The following CD99L2 variants were observed in gnomAD, a reference collection of about 807,000 sequenced individuals.
The protein encoded by CD99L2 is CD99 antigen-like protein 2.
Under a neutral mutation model 27.3 loss-of-function variants are expected in CD99L2, and 24 were observed. That is an observed-to-expected ratio of 0.88 (90% CI 0.64 to 1.24). CD99L2 has a LOEUF of 1.24. CD99L2 is among the 50% of genes most tolerant of loss of function. The probability of loss-of-function intolerance (pLI) is 0.00; values close to 1 mark genes in which losing one functional copy is unlikely to be tolerated. For missense variants in CD99L2, 255 were observed against 221.6 expected (o/e 1.15, Z -0.96); for synonymous variants, 97 against 87.9 (o/e 1.10, Z -0.58).
chrX:150,830,958 A>ACC (rs1557421046), intron 2 of CD99L2, among the ~76,000 whole-genome samples: 16 of 109,729 alleles, frequency 1.5e-4, no homozygotes, highest in African/African-American at 5.0e-4. Flanking sequence ...ATAGGCATGC[A>ACC]ATACCACACC....
At position 150,770,427 on chromosome X, in the gene CD99L2, G is replaced by A. The variant is rs782644303; in HGVS notation, c.656-58C>T. Reference sequence around the variant, plus strand: ...GCACAGGACCTAAGGGTCCCCAATCGTGACTGAGAACTCCTGACCAAGTCC... The same window carrying A: ...GCACAGGACCTAAGGGTCCCCAATCATGACTGAGAACTCCTGACCAAGTCC... On this transcript the variant is annotated intron_variant, in intron 9 of 10. Transcript: ENST00000370377. 8.9e-5 allele frequency: 96 copies of A among 1,078,667 alleles called. 1 individual carries two copies. The highest frequency in any genetic ancestry group is 1.1e-4 in the Admixed American group (5 of 44,526). The allele number at this position is 1,078,667 out of a possible 1,213,427, so 88.9% of individuals were successfully genotyped here.
At position 150,767,391 on chromosome X, in the gene CD99L2, C is replaced by T. The variant is rs2043329361; in HGVS notation, c.*1643G>A. 8.9e-6 allele frequency: 1 copy of T among 112,031 alleles called. No homozygotes were observed. Among genetic ancestry groups the T allele is most frequent in the Non-Finnish European group, 1.9e-5 (1 of 53,212 alleles). 9.2% of individuals were successfully genotyped at this position (112,031 alleles called of 1,213,427 possible). ...CATTTCTGCAGTGCTGCAGGTCCCC[C>T]TTCAGCCACACAGTCCAGGTCTGTC... On this transcript the variant is annotated 3_prime_UTR_variant, in exon 11 of 11. Coordinates refer to ENST00000370377, the MANE Select transcript of CD99L2 (RefSeq NM_031462.4).
At chrX:150,793,813 A>G in intron 6 of CD99L2, 57 bp from the exon 7 acceptor site, 1 of 993,154 alleles carries the variant, frequency 1.0e-6, no homozygotes. Context: ...GCAACAAGAA[A>G]CTTGTGCTAA....
In CD99L2 at chrX:150,831,309, A is replaced by G. The variant is rs1283641386; in HGVS notation, c.68-16T>C. On this transcript the variant is annotated splice_polypyrimidine_tract_variant and intron_variant, in intron 1 of 10. Transcript: ENST00000370377. The stretch of plus-strand genomic sequence containing the variant: ...TCCCCAGATCCTAAAAATTAAAAAA[A>G]AAAATTAAACTATCTTTGCATAAAA... 1 of 1,164,190 alleles carries G rather than the reference A, an allele frequency of 8.6e-7. No individual in the cohort carries two copies. The highest frequency in any genetic ancestry group is 1.2e-6 in the Non-Finnish European group (1 of 859,817).
intron 1 of CD99L2, among the ~76,000 whole-genome samples, chrX:150,862,629 C>T (rs1200031712): frequency 2.7e-5 from 3 of 111,772 alleles, no homozygotes; most frequent in Non-Finnish European, 5.6e-5. Context: ...GTTATAGCAG[C>T]CCTAGGAGAC....
chrX:150,775,526 G>T (rs1379203608), intron 9 of CD99L2, among the ~76,000 whole-genome samples: 3 of 112,594 alleles, frequency 2.7e-5, no homozygotes, highest in Non-Finnish European at 5.6e-5. Flanking sequence ...TACAGCATGA[G>T]ATGAAAACTG....
At chrX:150,851,662 C>T (rs1269331842) in intron 1 of CD99L2, among the ~76,000 whole-genome samples, 1 of 112,158 alleles carries the variant, frequency 8.9e-6, no homozygotes, top group Non-Finnish European at 1.9e-5. Flanking sequence ...AACCGGGGCA[C>T]CAGCAGGCTG....
In CD99L2 at chrX:150,810,828, T is replaced by C. The variant is rs1055552041; in HGVS notation, c.277+4034A>G. 2.7e-5 allele frequency among the ~76,000 whole-genome samples: 3 copies of C among 111,679 alleles called. No individual in the cohort carries two copies. The Admixed American group carries it at 2.9e-4, about 11-fold the overall frequency. On this transcript the variant is annotated intron_variant, in intron 4 of 10. Transcript: ENST00000370377. ...TTTAAGGGAATATCATTGACAAAAG[T>C]ATGCCAATAAATTGGGCAGCCTAGA...
chrX:150,879,353 T>C (rs1024044479), intron 1 of CD99L2, among the ~76,000 whole-genome samples: 1 of 111,202 alleles, frequency 9.0e-6, no homozygotes, highest in Non-Finnish European at 1.9e-5. Flanking sequence ...GTGGAAAGAA[T>C]TAAGAAAAGG....
At chrX:150,856,418 A>G (rs1054987541) in intron 1 of CD99L2, among the ~76,000 whole-genome samples, 19 of 111,958 alleles carry the variant, frequency 1.7e-4, no homozygotes, top group Middle Eastern at 4.6e-3. Flanking sequence ...TGCTTGTTAC[A>G]TGAAGTCACC....
chrX:150,808,195 T>C (rs1557420291), intron 4 of CD99L2, among the ~76,000 whole-genome samples: 1 of 112,776 alleles, frequency 8.9e-6, no homozygotes, highest in East Asian at 2.8e-4. Context: ...TGTACACTGA[T>C]ATCGAAAACA....
At chrX:150,850,947 C>A (rs1350343734) in intron 1 of CD99L2, among the ~76,000 whole-genome samples, 1 of 111,659 alleles carries the variant, frequency 9.0e-6, no homozygotes, top group Non-Finnish European at 1.9e-5. Context: ...AAGTGATTCT[C>A]CTGCCTCAGC....
intron 4 of CD99L2, among the ~76,000 whole-genome samples, chrX:150,799,346 AAAC>A (rs1420938491): frequency 3.7e-5 from 4 of 107,937 alleles, no homozygotes; most frequent in South Asian, 4.1e-4. Context: ...AAAAAAAAAA[AAAC>A]AACAACAAAA....
At chrX:150,894,082 A>G (rs1204546774) in intron 1 of CD99L2, among the ~76,000 whole-genome samples, 2 of 111,276 alleles carry the variant, frequency 1.8e-5, no homozygotes, top group African/African-American at 6.5e-5. Flanking sequence ...TGCAATCATA[A>G]ACTCTATCTA....
At chrX:150,818,053 T>TAATAATTTTAAATAAAAAAAAAAAAAAAA (rs782545494) in intron 2 of CD99L2, among the ~76,000 whole-genome samples, 3 of 106,725 alleles carry the variant, frequency 2.8e-5, no homozygotes, top group Middle Eastern at 4.9e-3. Context: ...GAGGAAGACA[T>TAATAATTTTAAATAAAAAAAAAAAAAAAA]AATAATTTTA....
chrX:150,830,970 G>A (rs915412381), intron 2 of CD99L2, among the ~76,000 whole-genome samples: 2 of 109,458 alleles, frequency 1.8e-5, no homozygotes, highest in African/African-American at 6.7e-5. Context: ...TACCACACCC[G>A]GCTAATTTTT....
At chrX:150,839,823 C>A (rs1362639750) in intron 1 of CD99L2, among the ~76,000 whole-genome samples, 1 of 109,784 alleles carries the variant, frequency 9.1e-6, no homozygotes, top group Non-Finnish European at 1.9e-5. Context: ...CTCCTTGAGC[C>A]CAGGAGTTCA....
At chrX:150,804,616 A>C (rs781849964) in intron 4 of CD99L2, among the ~76,000 whole-genome samples, 6 of 111,571 alleles carry the variant, frequency 5.4e-5, no homozygotes, top group Admixed American at 2.9e-4. Flanking sequence ...AGATGAAATA[A>C]GTAACAGAAG....
intron 2 of CD99L2, among the ~76,000 whole-genome samples, chrX:150,817,135 C>T (rs970003816): frequency 9.9e-6 from 1 of 101,385 alleles, no homozygotes; most frequent in South Asian, 4.9e-4. Context: ...CAGCATGGCA[C>T]ATGTATACAT....
Sources: gnomAD v4.1 joint callset for allele counts (sites outside exome capture counted in the v4.1 genomes callset) on GRCh38, gnomAD v4.1.1 for gene constraint, MANE v1.5 for transcripts, NCBI Gene and HGNC (gene_info 2026-07-23, HGNC 2026-07-21) for gene names.